PCDHA11: variants seen among roughly 807,000 people sequenced by gnomAD.
PCDHA11 encodes the protein protocadherin alpha 11, also known as protocadherin alpha-11.
Under a neutral mutation model 70.3 loss-of-function variants are expected in PCDHA11, and 61 were observed. That is an observed-to-expected ratio of 0.87 (90% CI 0.71 to 1.07). The LOEUF is 1.07. Ranked by LOEUF, PCDHA11 falls within the 50% of genes least tolerant of loss-of-function variation. PCDHA11 has a pLI of 0.00. For missense variants in PCDHA11, 1,324 were observed against 1,237.5 expected (o/e 1.07, Z -1.05); for synonymous variants, 633 against 555.1 (o/e 1.14, Z -1.97).
At chr5:140,976,566 A>C (rs2096723160) in intron 1 of PCDHA11, among the ~76,000 whole-genome samples, 2 of 152,098 alleles carry the variant, frequency 1.3e-5, no homozygotes, top group African/African-American at 4.8e-5. Flanking sequence ...TAAATAAATA[A>C]ATATAAATAA....
intron 1 of PCDHA11, among the ~76,000 whole-genome samples, chr5:140,950,043 A>G (rs1011500100): frequency 1.6e-4 from 25 of 151,950 alleles, no homozygotes; most frequent in Non-Finnish European, 3.4e-4. Context: ...TTACAACCAT[A>G]TAAGACTATT....
intron 1 of PCDHA11, chr5:140,876,448 G>C (rs2056350590): frequency 1.2e-6 from 2 of 1,614,008 alleles, no homozygotes; most frequent in East Asian, 4.5e-5. Flanking sequence ...CATTGATAAA[G>C]GGATTCCTTC....
chr5:140,870,425 C>T lies in PCDHA11; in HGVS notation c.1322C>T (p.Ser441Phe), dbSNP rs531014522. 1.2e-5 allele frequency: 19 copies of T among 1,614,072 alleles called. No homozygotes were observed. The highest frequency in any genetic ancestry group is 1.5e-5 in the Non-Finnish European group (18 of 1,180,054). ...SPSLWATARVSVEVADVNDNA... is the reference protein window; with the variant it reads ...SPSLWATARVFVEVADVNDNA... ...TCTCTGTGGGCCACGGCCAGGGTAT[C>T]CGTGGAGGTGGCCGACGTGAACGAC... The change falls in exon 1 of 4, where the codon TCC becomes TTC. Residue 441 changes from serine (S) to phenylalanine (F), a missense_variant. Physicochemically the swap from Ser to Phe is radical, Grantham distance 155. Coordinates refer to ENST00000398640, the MANE Select transcript of PCDHA11 (RefSeq NM_018902.5).
chr5:140,987,225 A>AT (rs1451600480), intron 3 of PCDHA11, among the ~76,000 whole-genome samples: 11 of 143,044 alleles, frequency 7.7e-5, no homozygotes, highest in Non-Finnish European at 1.0e-4. Context: ...AAAAAAAAAA[A>AT]AATAATAAAT....
At chr5:141,002,559 G>C (rs2098085590) in intron 3 of PCDHA11, among the ~76,000 whole-genome samples, 2 of 152,192 alleles carry the variant, frequency 1.3e-5, no homozygotes. Context: ...GGATCCACCA[G>C]TTAGTGACCA....
chr5:141,011,852 A>T lies in PCDHA11; in HGVS notation c.*1915A>T, dbSNP rs1288551420. 1 of 153,718 alleles carries T rather than the reference A, an allele frequency of 6.5e-6. No individual in the cohort carries two copies. The highest frequency in any genetic ancestry group is 1.5e-5 in the Non-Finnish European group (1 of 68,038). 9.5% of individuals were successfully genotyped at this position (153,718 alleles called of 1,614,324 possible). A position where few individuals can be genotyped will look rare whatever the true frequency, so the allele number is the denominator to read the frequency against. ...CTGTCACCTTAAATAAGACATTTTA[A>T]TTTTGTTATAATGTACAATTTAGAA... On this transcript the variant is annotated 3_prime_UTR_variant, in exon 4 of 4. Transcript: ENST00000398640.
At chr5:140,985,783 A>G (rs1587112463) in intron 3 of PCDHA11, among the ~76,000 whole-genome samples, 1 of 125,324 alleles carries the variant, frequency 8.0e-6, no homozygotes, top group Non-Finnish European at 1.6e-5. Context: ...TCTGTCGCCC[A>G]GGCTGGAGTG....
chr5:140,927,929 C>G (rs762916391), intron 1 of PCDHA11: 1 of 1,614,208 alleles, frequency 6.2e-7, no homozygotes, highest in Non-Finnish European at 8.5e-7. Flanking sequence ...CTGACTCTTT[C>G]GAACCCAGTA....
intron 3 of PCDHA11, among the ~76,000 whole-genome samples, chr5:141,007,801 G>T (rs559830556): frequency 2.6e-5 from 4 of 152,148 alleles, no homozygotes; most frequent in Non-Finnish European, 5.9e-5. Flanking sequence ...GCCTTTATCT[G>T]CCATTCATTT....
In PCDHA11 at chr5:140,869,247, C is replaced by A. The variant is rs1186478553; in HGVS notation, c.144C>A (p.Ile48=). ...AACACGGCACCTTCGTGGGCCGCAT[C>A]GCGCAGGACCTGGGGCTGGAGCTGG... ...EAKHGTFVGR[I]AQDLGLELAE... is the part of the protein sequence containing the mutation. Residue 48 remains isoleucine, a synonymous_variant, in exon 1 of 4, where the codon ATC becomes ATA. Transcript: ENST00000398640. 2 of 1,613,526 alleles carry A rather than the reference C, an allele frequency of 1.2e-6. No individual in the cohort carries two copies. The highest frequency in any genetic ancestry group is 3.3e-5 in the Admixed American group (2 of 59,998).
chr5:140,875,738 G>T lies in PCDHA11; in HGVS notation c.2391+4244G>T, dbSNP rs1197047985. 12 of 1,614,086 alleles carry T rather than the reference G, an allele frequency of 7.4e-6. No homozygotes were observed. The highest frequency in any genetic ancestry group is 3.3e-5 in the Admixed American group (2 of 60,008). ...AATGGCATTTTGTTTGTGAATTCTC[G>T]GATCGACCGCGAGAAGCTGTGCGGG... On this transcript the variant is annotated intron_variant, in intron 1 of 3. Coordinates refer to ENST00000398640, the MANE Select transcript of PCDHA11 (RefSeq NM_018902.5).
chr5:140,900,030 G>A (rs1159979332), intron 1 of PCDHA11, among the ~76,000 whole-genome samples: 1 of 152,086 alleles, frequency 6.6e-6, no homozygotes, highest in Admixed American at 6.6e-5. Context: ...GTTTGGCCTT[G>A]AATTCCTGGG....
At chr5:140,891,827 A>G (rs943963989) in intron 1 of PCDHA11, among the ~76,000 whole-genome samples, 1 of 152,212 alleles carries the variant, frequency 6.6e-6, no homozygotes, top group Non-Finnish European at 1.5e-5. Flanking sequence ...ACGGCACTGT[A>G]AAAGGACTTG....
rs782706939 is a variant in PCDHA11 at position 140,967,257 on chromosome 5, G to C, written c.2392-11692G>C. ...CAGGTAAGCGAATCGGTGGCGCCTG[G>C]AGCGCGCTTTCACATAGAGAGTGCG... is the stretch of plus-strand genomic sequence containing the variant. On this transcript the variant is annotated intron_variant, in intron 1 of 3. Coordinates refer to ENST00000398640, the MANE Select transcript of PCDHA11 (RefSeq NM_018902.5). 1.9e-6 allele frequency: 3 copies of C among 1,613,486 alleles called. No individual in the cohort carries two copies. The highest frequency in any genetic ancestry group is 1.3e-5 in the African/African-American group (1 of 75,062).
At chr5:140,882,991 AT>A (rs1554176407) in intron 1 of PCDHA11, 2 of 1,614,112 alleles carry the variant, frequency 1.2e-6, no homozygotes, top group Non-Finnish European at 1.7e-6. Flanking sequence ...ACGCCCCGGA[AT>A]TTTACCAATC....
At chr5:140,908,661 G>C (rs530751435) in intron 1 of PCDHA11, among the ~76,000 whole-genome samples, 9 of 152,306 alleles carry the variant, frequency 5.9e-5, no homozygotes, top group African/African-American at 2.2e-4. Flanking sequence ...GCCTGCCAAA[G>C]GCTCCAAATA....
Position 141,012,065 on chromosome 5 carries a change from T to G in PCDHA11, c.*2128T>G, listed in dbSNP as rs2098422876. The G allele has an allele frequency of 6.5e-6, 1 of 153,794 alleles. No individual in the cohort carries two copies. Among genetic ancestry groups the G allele is most frequent in the Non-Finnish European group, 1.5e-5 (1 of 68,044 alleles). The allele number at this position is 153,794 out of a possible 1,614,324, so 9.5% of individuals were successfully genotyped here. A position where few individuals can be genotyped will look rare whatever the true frequency, so the allele number is the denominator to read the frequency against. ...GGGTAAAACTTGTTACCAACACATGTGAACCATTGCTACATTGTAGGTTGT... is the reference window on the plus strand; with the variant it reads ...GGGTAAAACTTGTTACCAACACATGGGAACCATTGCTACATTGTAGGTTGT... On this transcript the variant is annotated 3_prime_UTR_variant, in exon 4 of 4. Transcript: ENST00000398640.
chr5:140,968,184 C>T, intron 1 of PCDHA11: 1 of 1,614,050 alleles, frequency 6.2e-7, no homozygotes, highest in Non-Finnish European at 8.5e-7. Flanking sequence ...CTGGAGGACT[C>T]CTATTCCATC....
rs782647258 is a variant in PCDHA11 at position 140,869,948 on chromosome 5, T to A, written c.845T>A (p.Met282Lys). The A allele has an allele frequency of 3.7e-6, 6 of 1,612,586 alleles. No individual in the cohort carries two copies. The South Asian group carries it at 5.5e-5, about 15-fold the overall frequency. ...GVNGEVTYSL[M>K]SIKPNGRHLF... ...AATGGAGAGGTAACATACTCCTTAA[T>A]GTCAATTAAGCCCAATGGAAGACAC... The change falls in exon 1 of 4, where the codon ATG becomes AAG. Residue 282 changes from methionine to lysine, a missense_variant. Physicochemically the swap from Met to Lys is moderately conservative, Grantham distance 95 (BLOSUM62 -1). Coordinates refer to ENST00000398640, the MANE Select transcript of PCDHA11 (RefSeq NM_018902.5).
Sources: allele counts gnomAD v4.1 joint callset (sites outside exome capture counted in the v4.1 genomes callset), GRCh38; gene constraint gnomAD v4.1.1; transcripts MANE v1.5; gene names NCBI Gene and HGNC (gene_info 2026-07-23, HGNC 2026-07-21).